CNTNAP3B: variants seen among roughly 807,000 people sequenced by gnomAD.
CNTNAP3B encodes the protein contactin-associated protein-like 3B.
CNTNAP3B carries 25 observed loss-of-function variants against 108.9 expected under a neutral mutation model. The ratio of observed to expected loss-of-function variants is 0.23; its 90% CI spans 0.17 to 0.32. The LOEUF (loss-of-function observed/expected upper bound fraction) is 0.32. Among genes scored for constraint, CNTNAP3B ranks in the 10% least tolerant of loss-of-function variants. The pLI, the probability that CNTNAP3B is intolerant of heterozygous loss-of-function variation, is 1.00. For missense variants in CNTNAP3B, 252 were observed against 1,210.4 expected, an observed-to-expected ratio of 0.21 and a Z score of 11.75; for synonymous variants, 103 against 473.4, an observed-to-expected ratio of 0.22 and a Z score of 10.16.
chr9:42,121,263 G>C (rs1360835439), intron 1 of CNTNAP3B, among the ~76,000 whole-genome samples: 1 of 138,656 alleles, frequency 7.2e-6, no homozygotes, highest in Non-Finnish European at 1.5e-5. Context: ...CCAGCTCAAT[G>C]ACACCCCCTT....
chr9:42,035,305 G>A (rs1346414602), intron 3 of CNTNAP3B, among the ~76,000 whole-genome samples: 6 of 145,194 alleles, frequency 4.1e-5, no homozygotes, highest in African/African-American at 7.8e-5. Flanking sequence ...AAGGTTCCAC[G>A]AGGCTGACTT....
At chr9:41,954,207 G>T (rs1239437951) in intron 12 of CNTNAP3B, among the ~76,000 whole-genome samples, 2 of 152,226 alleles carry the variant, frequency 1.3e-5, no homozygotes, top group Non-Finnish European at 2.9e-5. Context: ...AAAATTTTCC[G>T]AACTGGAGAA....
intron 13 of CNTNAP3B, among the ~76,000 whole-genome samples, chr9:41,940,601 C>T (rs1224956668): frequency 2.0e-5 from 3 of 152,378 alleles, no homozygotes; most frequent in East Asian, 1.9e-4. Flanking sequence ...GGGCGGATCA[C>T]GAGGTCAGAT....
At chr9:42,056,601 C>T (rs1416617591) in intron 3 of CNTNAP3B, among the ~76,000 whole-genome samples, 1 of 138,094 alleles carries the variant, frequency 7.2e-6, no homozygotes, top group Non-Finnish European at 1.5e-5. Flanking sequence ...CTGCCCACCT[C>T]GGCCTTCCAA....
chr9:42,078,803 TC>T (rs1216601043), intron 2 of CNTNAP3B, among the ~76,000 whole-genome samples: 1 of 149,520 alleles, frequency 6.7e-6, no homozygotes, highest in African/African-American at 2.5e-5. Flanking sequence ...TGCACAGATT[TC>T]TTTAGCCCTC....
chr9:41,931,090 CT>C (rs1157388561), intron 14 of CNTNAP3B, among the ~76,000 whole-genome samples: 1 of 152,268 alleles, frequency 6.6e-6, no homozygotes, highest in Non-Finnish European at 1.5e-5. Flanking sequence ...GTTCTCAAAC[CT>C]TCTTTTGTAT....
chr9:41,941,745 A>G (rs1824349946), intron 13 of CNTNAP3B, among the ~76,000 whole-genome samples: 2 of 147,776 alleles, frequency 1.4e-5, no homozygotes, highest in Admixed American at 6.8e-5. Flanking sequence ...GGAGTCTGGT[A>G]AAAGCACTTA....
At chr9:41,972,450 T>A (rs1825437745) in intron 9 of CNTNAP3B, among the ~76,000 whole-genome samples, 1 of 132,336 alleles carries the variant, frequency 7.6e-6, no homozygotes, top group Non-Finnish European at 1.6e-5. Flanking sequence ...ATGCCTGTAC[T>A]CTTATTTCCT....
At chr9:42,030,817 A>T (rs1350296982) in intron 3 of CNTNAP3B, among the ~76,000 whole-genome samples, 16 of 105,844 alleles carry the variant, frequency 1.5e-4, no homozygotes, top group East Asian at 6.3e-4. Context: ...GAGAGAGGAG[A>T]GAGAGAGAGA....
intron 3 of CNTNAP3B, among the ~76,000 whole-genome samples, chr9:42,073,884 T>G (rs1358310342): frequency 1.9e-4 from 23 of 120,672 alleles, no homozygotes; most frequent in African/African-American, 3.0e-4. Context: ...GGAAGGGGCG[T>G]GGGGGGCTGG....
At chr9:41,944,676 T>C (rs1264913596) in intron 13 of CNTNAP3B, among the ~76,000 whole-genome samples, 1 of 151,600 alleles carries the variant, frequency 6.6e-6, no homozygotes, top group Non-Finnish European at 1.5e-5. Flanking sequence ...ATATGGCAAA[T>C]ATTAATCCAA....
intron 2 of CNTNAP3B, among the ~76,000 whole-genome samples, chr9:42,100,178 C>T (rs1827994217): frequency 3.0e-5 from 2 of 67,578 alleles, no homozygotes; most frequent in East Asian, 8.0e-4. Context: ...AAATACTTGC[C>T]CTTTCTCTCT....
rs570389098 is a variant in CNTNAP3B at position 42,086,119 on chromosome 9, C to T, written c.197-9057G>A. On this transcript the variant is annotated intron_variant, in intron 2 of 23. Transcript: ENST00000377561. ...GAGGCCTCACAATCATGGCAGAAGG[C>T]GAAAAGCATATTTTACGTGGCAGCA... 9.3e-3 allele frequency among the ~76,000 whole-genome samples: 1,302 copies of T among 140,190 alleles called. 77 individuals are homozygous for T. Among genetic ancestry groups the T allele is most frequent in the African/African-American group, 0.016 (578 of 35,596 alleles). The allele number at this position is 140,190 out of a possible 152,430, so 92.0% of individuals were successfully genotyped here.
At chr9:41,976,921 A>G (rs1452222600) in intron 9 of CNTNAP3B, among the ~76,000 whole-genome samples, 1 of 139,406 alleles carries the variant, frequency 7.2e-6, no homozygotes, top group Non-Finnish European at 1.5e-5. Flanking sequence ...CCCTGTCTAA[A>G]AAAAAGGCAA....
chr9:42,027,492 CTT>C (rs1826432825), intron 3 of CNTNAP3B, among the ~76,000 whole-genome samples: 1 of 20,406 alleles, frequency 4.9e-5, no homozygotes, highest in Non-Finnish European at 9.5e-5. Flanking sequence ...GCTGGGTGTG[CTT>C]TTTATGTGAG....
intron 11 of CNTNAP3B, among the ~76,000 whole-genome samples, chr9:41,961,650 T>C: frequency 6.6e-6 from 1 of 152,302 alleles, no homozygotes; most frequent in South Asian, 2.1e-4. Context: ...ATGGAATTTA[T>C]AAGCTATCAA....
intron 14 of CNTNAP3B, among the ~76,000 whole-genome samples, chr9:41,936,832 T>C (rs1394895544): frequency 6.6e-6 from 1 of 152,308 alleles, no homozygotes; most frequent in Non-Finnish European, 1.5e-5. Context: ...TGTATGATCA[T>C]TTTGTAATTT....
At chr9:41,941,517 A>C (rs1480360988) in intron 13 of CNTNAP3B, among the ~76,000 whole-genome samples, 2 of 150,436 alleles carry the variant, frequency 1.3e-5, no homozygotes, top group Non-Finnish European at 3.0e-5. Flanking sequence ...TACACCCTTA[A>C]AAAAATGAGG....
intron 2 of CNTNAP3B, among the ~76,000 whole-genome samples, chr9:42,088,942 C>A (rs186884839): frequency 0.023 from 2,341 of 101,628 alleles, 3 homozygotes; most frequent in Middle Eastern, 0.036. Context: ...GAGGACCAGG[C>A]GTGGTGGCTC....
Sources: allele counts gnomAD v4.1 joint callset (sites outside exome capture counted in the v4.1 genomes callset), GRCh38; gene constraint gnomAD v4.1.1; transcripts MANE v1.5; gene names NCBI Gene and HGNC (gene_info 2026-07-23, HGNC 2026-07-21).